The following ANGEL2 variants were observed in gnomAD, a reference collection of about 807,000 sequenced individuals.
ANGEL2 encodes the protein angel homolog 2.
ANGEL2 carries 41 observed loss-of-function variants against 66.0 expected under a neutral mutation model. That is an observed-to-expected ratio of 0.62 (90% CI 0.48 to 0.81). The LOEUF is 0.81. Ranked by LOEUF, ANGEL2 falls within the 30% of genes least tolerant of loss-of-function variation. The probability of loss-of-function intolerance (pLI) is 0.00; values close to 1 mark genes in which losing one functional copy is unlikely to be tolerated. For synonymous variants in ANGEL2, 208 were observed against 226.5 expected (o/e 0.92, Z 0.73); for missense variants, 561 against 641.6 (o/e 0.87, Z 1.36).
intron 5 of ANGEL2, among the ~76,000 whole-genome samples, chr1:213,003,259 T>C (rs979884877): frequency 1.3e-5 from 2 of 152,254 alleles, no homozygotes; most frequent in Admixed American, 6.5e-5. Flanking sequence ...TAAGGCTGTT[T>C]TGCTTTCTTA....
At chr1:212,995,888 GA>G (rs527545743) in intron 8 of ANGEL2, among the ~76,000 whole-genome samples, 53 of 152,158 alleles carry the variant, frequency 3.5e-4, no homozygotes, top group African/African-American at 1.2e-3. Flanking sequence ...AGAAAAAAAT[GA>G]AAAAAATCAG....
At chr1:213,000,650 A>G (rs2148143736) in intron 6 of ANGEL2, 136 bp downstream of exon 6, 1 of 1,050,344 alleles carries the variant, frequency 9.5e-7, no homozygotes, top group Non-Finnish European at 1.3e-6. Context: ...GGTCTTAAGA[A>G]AAAAAATGAA....
At chr1:212,996,288 CG>C (rs2076003651) in intron 8 of ANGEL2, among the ~76,000 whole-genome samples, 1 of 151,814 alleles carries the variant, frequency 6.6e-6, no homozygotes, top group Non-Finnish European at 1.5e-5. Context: ...GCCTGGGCGA[CG>C]AGCGAGACTC....
chr1:213,013,041 T>C lies in ANGEL2; in HGVS notation c.385+52A>G. The C allele has an allele frequency of 3.9e-6, 6 of 1,540,880 alleles. No individual in the cohort carries two copies. The South Asian group carries it at 7.5e-5, about 19-fold the overall frequency. ...AAAGGATTAGATATGAAAGTTTCAA[T>C]TTAGTCTATCACTTGTATCTATTTC... On this transcript the variant is annotated intron_variant, in intron 2 of 8. Transcript: ENST00000366962.
At chr1:213,014,549 A>AT (rs1207109117) in intron 1 of ANGEL2, among the ~76,000 whole-genome samples, 1 of 152,234 alleles carries the variant, frequency 6.6e-6, no homozygotes, top group Non-Finnish European at 1.5e-5. Flanking sequence ...TGGTCCATGC[A>AT]TTTTCTATGC....
At chr1:213,004,865 CAAAAAAAAAAAAAAA>C (rs60445711) in intron 5 of ANGEL2, among the ~76,000 whole-genome samples, 153 bp downstream of exon 5, 3 of 35,242 alleles carry the variant, frequency 8.5e-5, no homozygotes, top group Non-Finnish European at 1.5e-4. Context: ...GAGACTGTCT[CAAAAAAAAAAAAAAA>C]AAAAAAAAAA....
chr1:213,013,277 T>C lies in ANGEL2; in HGVS notation c.201A>G (p.Pro67=). Residue 67 remains proline, a synonymous_variant, in exon 2 of 9, where the codon CCA becomes CCG. Coordinates refer to ENST00000366962, the MANE Select transcript of ANGEL2 (RefSeq NM_144567.5). The part of the protein sequence containing the change: ...WPGHYSRAPY[P]YFSSRHFSLN... ...GTGAAAAATGCCTACTACTGAAGTA[T>C]GGGTAAGGAGCTCGAGAGTAATGTC... 2.5e-6 allele frequency: 4 copies of C among 1,612,342 alleles called. No individual in the cohort carries two copies. The highest frequency in any genetic ancestry group is 3.4e-6 in the Non-Finnish European group (4 of 1,178,328).
At chr1:213,002,917 CAA>C (rs3056224) in intron 5 of ANGEL2, among the ~76,000 whole-genome samples, 238 of 110,358 alleles carry the variant, frequency 2.2e-3, no homozygotes, top group Middle Eastern at 4.9e-3. Flanking sequence ...GATCCTGTCT[CAA>C]AAAAAAAAAA....
In ANGEL2 at chr1:213,004,211, A is replaced by G. The variant is rs140202194; in HGVS notation, c.1134+822T>C. 3.2e-3 allele frequency among the ~76,000 whole-genome samples: 481 copies of G among 152,266 alleles called. 4 individuals are homozygous for G. Among genetic ancestry groups the G allele is most frequent in the African/African-American group, 0.011 (458 of 41,564 alleles). On this transcript the variant is annotated intron_variant, in intron 5 of 8. Transcript: ENST00000366962. The stretch of plus-strand genomic sequence containing the variant: ...GCAAGACTCCATCTCAAAAAAAAAA[A>G]TAAATAATTTTAAACTATTACTCAA...
rs988727810 is a variant in ANGEL2, at chr1:213,009,944, A to G, written c.386-1478T>C. 5.9e-5 allele frequency among the ~76,000 whole-genome samples: 9 copies of G among 151,632 alleles called. No individual in the cohort carries two copies. In the East Asian group the frequency reaches 1.8e-3, roughly 30 times the overall value. On this transcript the variant is annotated intron_variant, in intron 2 of 8. Transcript: ENST00000366962. ...CATGCACCTGTAATCCCAGCTACTC[A>G]GGAGGCTGAAGCCAGAGAATCGCTG...
At chr1:213,010,688 G>A (rs1158734931) in intron 2 of ANGEL2, among the ~76,000 whole-genome samples, 2 of 152,046 alleles carry the variant, frequency 1.3e-5, no homozygotes, top group East Asian at 1.9e-4. Flanking sequence ...AGATGGAAAG[G>A]GTTCCAGTCA....
At chr1:213,000,640 G>C (rs1346131348) in intron 6 of ANGEL2, 146 bp downstream of exon 6, 1 of 900,024 alleles carries the variant, frequency 1.1e-6, no homozygotes, top group African/African-American at 1.7e-5. Flanking sequence ...TAAATTTAGA[G>C]GTCTTAAGAA....
At chr1:212,995,262 C>T in intron 8 of ANGEL2, 70 bp from the exon 9 acceptor site, 1 of 1,405,902 alleles carries the variant, frequency 7.1e-7, no homozygotes, top group South Asian at 1.6e-5. Flanking sequence ...TCATACAAGT[C>T]TTTTCTCCAA....
intron 6 of ANGEL2, 47 bp from the exon 7 acceptor site, chr1:213,000,430 CT>C: frequency 1.3e-6 from 2 of 1,506,556 alleles, no homozygotes; most frequent in Non-Finnish European, 1.8e-6. Flanking sequence ...TCTAGTTTGC[CT>C]TAATATCGTC....
At chr1:213,015,077 C>T in intron 1 of ANGEL2, 1 of 971,904 alleles carries the variant, frequency 1.0e-6, no homozygotes, top group Non-Finnish European at 1.2e-6. Flanking sequence ...GTAAATAATA[C>T]ACGTGAAACA....
At chr1:212,996,634 AAAAAAAATATATATAT>A (rs1454120834) in intron 8 of ANGEL2, among the ~76,000 whole-genome samples, 2 of 49,200 alleles carry the variant, frequency 4.1e-5, no homozygotes, top group South Asian at 1.1e-3. Flanking sequence ...AAAAAAAAAA[AAAAAAAATATATATAT>A]ATATATATAT....
At chr1:212,996,467 C>G (rs572751972) in intron 8 of ANGEL2, among the ~76,000 whole-genome samples, 1 of 149,564 alleles carries the variant, frequency 6.7e-6, no homozygotes, top group Non-Finnish European at 1.5e-5. Context: ...ACAAAAAATA[C>G]AAAAATTAGG....
At chr1:213,015,418 C>A in intron 1 of ANGEL2, 195 bp downstream of exon 1, 1 of 1,425,628 alleles carries the variant, frequency 7.0e-7, no homozygotes, top group Non-Finnish European at 9.1e-7. Context: ...CAGCGTCCCG[C>A]CAGCTGCGCG....
intron 7 of ANGEL2, among the ~76,000 whole-genome samples, chr1:212,999,562 A>G (rs754791341): frequency 1.3e-5 from 2 of 152,234 alleles, no homozygotes; most frequent in African/African-American, 2.4e-5. Context: ...TGAGAAGCAG[A>G]TAAAATAAAT....
Sources: gnomAD v4.1 joint callset for allele counts (sites outside exome capture counted in the v4.1 genomes callset) on GRCh38, gnomAD v4.1.1 for gene constraint, MANE v1.5 for transcripts, NCBI Gene and HGNC (gene_info 2026-07-23, HGNC 2026-07-21) for gene names.